The following LUZP2 variants were observed in gnomAD, a reference collection of about 807,000 sequenced individuals.
The protein encoded by LUZP2 is leucine zipper protein 2.
LUZP2 carries 52 observed loss-of-function variants against 51.6 expected under a neutral mutation model. The ratio of observed to expected loss-of-function variants is 1.01; its 90% CI spans 0.81 to 1.27. The LOEUF is 1.27. Ranked by LOEUF, LUZP2 falls within the 50% of genes most tolerant of loss-of-function variation. The pLI, the probability that LUZP2 is intolerant of heterozygous loss-of-function variation, is 0.00. For missense variants in LUZP2, 436 were observed against 395.4 expected, an observed-to-expected ratio of 1.10 and a Z score of -0.87; for synonymous variants, 154 against 137.3, an observed-to-expected ratio of 1.12 and a Z score of -0.85.
At chr11:24,638,230 C>G (rs183440209) in intron 1 of LUZP2, among the ~76,000 whole-genome samples, 1 of 151,550 alleles carries the variant, frequency 6.6e-6, no homozygotes, top group Non-Finnish European at 1.5e-5. Flanking sequence ...AACCTACAAT[C>G]AAATATAGAC....
intron 4 of LUZP2, among the ~76,000 whole-genome samples, chr11:24,741,598 T>A (rs1415309282): frequency 6.6e-6 from 1 of 151,222 alleles, no homozygotes; most frequent in Non-Finnish European, 1.5e-5. Flanking sequence ...CCAAAGTCCA[T>A]TGTATCATTC....
chr11:24,875,871 T>C (rs1027888136), intron 5 of LUZP2, among the ~76,000 whole-genome samples: 3 of 152,054 alleles, frequency 2.0e-5, no homozygotes, highest in Non-Finnish European at 2.9e-5. Context: ...GAGCATTTTT[T>C]CATGTGTTTT....
At chr11:24,661,128 CA>C (rs1403470161) in intron 1 of LUZP2, among the ~76,000 whole-genome samples, 1 of 151,524 alleles carries the variant, frequency 6.6e-6, no homozygotes, top group Non-Finnish European at 1.5e-5. Context: ...GGTTTTAAAC[CA>C]GAAATATTTG....
intron 1 of LUZP2, among the ~76,000 whole-genome samples, chr11:24,710,395 C>T (rs1857765609): frequency 6.6e-6 from 1 of 151,992 alleles, no homozygotes; most frequent in Non-Finnish European, 1.5e-5. Flanking sequence ...CTATCAGTCA[C>T]CAAGCAGAAG....
chr11:24,665,913 G>C (rs1856197537), intron 1 of LUZP2, among the ~76,000 whole-genome samples: 1 of 151,906 alleles, frequency 6.6e-6, no homozygotes, highest in African/African-American at 2.4e-5. Context: ...TCATTTGTTA[G>C]CTCGTTTGTT....
intron 5 of LUZP2, among the ~76,000 whole-genome samples, chr11:24,769,588 AAC>A (rs1233660450): frequency 6.6e-6 from 1 of 152,178 alleles, no homozygotes; most frequent in African/African-American, 2.4e-5. Context: ...AATAATGAAA[AAC>A]ACATTCTGTC....
chr11:25,035,010 C>A (rs1857808426), intron 9 of LUZP2, among the ~76,000 whole-genome samples: 1 of 152,036 alleles, frequency 6.6e-6, no homozygotes, highest in African/African-American at 2.4e-5. Flanking sequence ...AAACCCTTGA[C>A]AATTTAGACA....
intron 5 of LUZP2, among the ~76,000 whole-genome samples, chr11:24,818,396 A>G (rs1410588558): frequency 6.6e-6 from 1 of 152,086 alleles, no homozygotes; most frequent in Non-Finnish European, 1.5e-5. Flanking sequence ...ATGGGTTTTT[A>G]GAAATTGGCA....
At chr11:24,791,785 C>T (rs1590534984) in intron 5 of LUZP2, among the ~76,000 whole-genome samples, 1 of 152,002 alleles carries the variant, frequency 6.6e-6, no homozygotes, top group Admixed American at 6.6e-5. Flanking sequence ...AATTGTAGAC[C>T]TGTTATTTAC....
chr11:25,041,393 T>A (rs1858054213), intron 9 of LUZP2, among the ~76,000 whole-genome samples: 1 of 152,178 alleles, frequency 6.6e-6, no homozygotes, highest in Non-Finnish European at 1.5e-5. Flanking sequence ...AATATCTTAA[T>A]ATTTTCAAAC....
intron 6 of LUZP2, among the ~76,000 whole-genome samples, chr11:24,906,896 A>G (rs913578396): frequency 6.6e-5 from 10 of 152,328 alleles, no homozygotes; most frequent in Admixed American, 5.2e-4. Context: ...GTTTAGCTGC[A>G]ATGAGAAAAG....
chr11:24,756,002 T>C (rs1395106633), intron 4 of LUZP2, among the ~76,000 whole-genome samples: 2 of 152,166 alleles, frequency 1.3e-5, no homozygotes, highest in Non-Finnish European at 2.9e-5. Context: ...TTGCCATCTA[T>C]TCTCTGTAGA....
chr11:25,034,955 A>G (rs1857805878), intron 9 of LUZP2, among the ~76,000 whole-genome samples: 1 of 152,110 alleles, frequency 6.6e-6, no homozygotes, highest in African/African-American at 2.4e-5. Flanking sequence ...ATCTCAATAG[A>G]TACAGAAAAA....
intron 7 of LUZP2, among the ~76,000 whole-genome samples, chr11:24,975,221 C>T (rs938737534): frequency 1.3e-5 from 2 of 151,810 alleles, no homozygotes; most frequent in African/African-American, 4.8e-5. Context: ...ACAATTAGTT[C>T]AGAGAATGGT....
intron 1 of LUZP2, among the ~76,000 whole-genome samples, chr11:24,666,372 T>C (rs574960512): frequency 1.3e-5 from 2 of 152,042 alleles, no homozygotes; most frequent in Non-Finnish European, 2.9e-5. Context: ...ATTGATTTTA[T>C]AAGGAAAAAA....
At chr11:24,532,896 A>T (rs11027982) in intron 1 of LUZP2, among the ~76,000 whole-genome samples, 1 of 151,172 alleles carries the variant, frequency 6.6e-6, no homozygotes, top group Admixed American at 6.6e-5. Context: ...AAATAACATC[A>T]GACAAATTTT....
chr11:24,638,859 A>T (rs145919161), intron 1 of LUZP2, among the ~76,000 whole-genome samples: 2 of 151,866 alleles, frequency 1.3e-5, no homozygotes, highest in African/African-American at 4.8e-5. Context: ...GAATCAAATA[A>T]ATATTAACAA....
At chr11:24,500,993 A>C (rs189832926) in intron 1 of LUZP2, among the ~76,000 whole-genome samples, 122 of 152,322 alleles carry the variant, frequency 8.0e-4, no homozygotes, top group Middle Eastern at 3.4e-3. Flanking sequence ...AGAACACACA[A>C]AAAATATTTT....
chr11:24,928,152 G>C (rs1028368338), intron 7 of LUZP2, among the ~76,000 whole-genome samples: 2 of 151,872 alleles, frequency 1.3e-5, no homozygotes, highest in Non-Finnish European at 2.9e-5. Context: ...GAGTCCTTAG[G>C]GTTTTTTATA....
Sources: allele counts gnomAD v4.1 joint callset (sites outside exome capture counted in the v4.1 genomes callset), GRCh38; gene constraint gnomAD v4.1.1; transcripts MANE v1.5; gene names NCBI Gene and HGNC (gene_info 2026-07-23, HGNC 2026-07-21).